The following NUSAP1 variants were observed in gnomAD, a reference collection of about 807,000 sequenced individuals.
The protein encoded by NUSAP1 is nucleolar and spindle associated protein 1, also known as nucleolar and spindle-associated protein 1.
A neutral mutation model predicts 52.8 loss-of-function variants in NUSAP1; 32 were observed. That is an observed-to-expected ratio of 0.61 (90% CI 0.46 to 0.81). The LOEUF (loss-of-function observed/expected upper bound fraction) is 0.81. NUSAP1 is among the 40% of genes least tolerant of loss of function. The probability of loss-of-function intolerance (pLI) is 0.00; values close to 1 mark genes in which losing one functional copy is unlikely to be tolerated. For missense variants in NUSAP1, 499 were observed against 522.3 expected (o/e 0.96, Z 0.43); for synonymous variants, 195 against 183.1 (o/e 1.06, Z -0.52).
At chr15:41,358,107 G>A (rs1019997334) in intron 5 of NUSAP1, 42 bp from the exon 6 acceptor site, 3 of 869,528 alleles carry the variant, frequency 3.5e-6, no homozygotes, top group Non-Finnish European at 5.5e-6. Context: ...ATAAATAAAT[G>A]GATTTTGTTT....
At chr15:41,376,754 A>C (rs2049955275) in intron 9 of NUSAP1, among the ~76,000 whole-genome samples, 1 of 151,592 alleles carries the variant, frequency 6.6e-6, no homozygotes, top group South Asian at 2.1e-4. Flanking sequence ...ATAAACTTCA[A>C]GAAATTTGGT....
At chr15:41,366,274 C>CA (rs942258759) in intron 7 of NUSAP1, among the ~76,000 whole-genome samples, 3 of 148,470 alleles carry the variant, frequency 2.0e-5, no homozygotes, top group African/African-American at 7.6e-5. Context: ...CCCAACCTTT[C>CA]TTTTTTTTTC....
chr15:41,377,153 TCAAA>T (rs1397435670), intron 9 of NUSAP1, 39 bp from the exon 10 acceptor site: 8 of 1,031,604 alleles, frequency 7.8e-6, no homozygotes, highest in Non-Finnish European at 1.1e-5. Flanking sequence ...GGAATATAAA[TCAAA>T]CAATCTTTTT....
Position 41,380,446 on chromosome 15 carries a change from T to C in NUSAP1, c.*260T>C. ...TCTAACGAGACCCATCCTAAAATTC[T>C]GTTTCTAGATTTTTAATGTCAAGTT... On this transcript the variant is annotated 3_prime_UTR_variant, in exon 11 of 11. Coordinates refer to ENST00000559596, the MANE Select transcript of NUSAP1 (RefSeq NM_016359.5). The C allele has an allele frequency of 7.9e-6, 2 of 254,126 alleles. No homozygotes were observed. The allele number at this position is 254,126 out of a possible 1,614,324, so 15.7% of individuals were successfully genotyped here. A position where few individuals can be genotyped will look rare whatever the true frequency, so the allele number is the denominator to read the frequency against.
chr15:41,344,146 G>C (rs1251346258), intron 2 of NUSAP1: 2 of 150,132 alleles, frequency 1.3e-5, no homozygotes, highest in Non-Finnish European at 3.0e-5. Flanking sequence ...GAATCCGTGA[G>C]GCAGATGTAG....
rs145434802 is a variant in NUSAP1 at position 41,376,740 on chromosome 15, A to G, written c.1124-456A>G. ...TAAATTTAAATTAAAAAAAAAAGCAACACATAAACTTCAAGAAATTTGGTC... is the reference window on the plus strand; with the variant it reads ...TAAATTTAAATTAAAAAAAAAAGCAGCACATAAACTTCAAGAAATTTGGTC... On this transcript the variant is annotated intron_variant, in intron 9 of 10. Coordinates refer to ENST00000559596, the MANE Select transcript of NUSAP1 (RefSeq NM_016359.5). Among the ~76,000 whole-genome samples the G allele has an allele frequency of 4.6e-5, 7 of 151,452 alleles. No individual in the cohort carries two copies. In the East Asian group the frequency reaches 5.8e-4, roughly 13 times the overall value.
chr15:41,374,352 G>C (rs184117966), intron 8 of NUSAP1, among the ~76,000 whole-genome samples: 1 of 152,226 alleles, frequency 6.6e-6, no homozygotes, highest in African/African-American at 2.4e-5. Flanking sequence ...ACTTCTTGTT[G>C]TATGCTCATG....
intron 4 of NUSAP1, among the ~76,000 whole-genome samples, chr15:41,355,563 T>A (rs1036058167): frequency 6.6e-6 from 1 of 152,182 alleles, no homozygotes; most frequent in Non-Finnish European, 1.5e-5. Context: ...ATCGTAGGAA[T>A]GCTGTAACTA....
intron 2 of NUSAP1, 112 bp from the exon 3 acceptor site, chr15:41,348,986 A>C: frequency 1.8e-6 from 2 of 1,098,986 alleles, no homozygotes; most frequent in Non-Finnish European, 2.6e-6. Flanking sequence ...GAGAGTTTTA[A>C]ATTTTTTCTT....
intron 10 of NUSAP1, among the ~76,000 whole-genome samples, chr15:41,378,938 A>G (rs1267956590): frequency 1.2e-5 from 1 of 83,636 alleles, no homozygotes; most frequent in African/African-American, 5.3e-5. Context: ...ATATTAACTT[A>G]TCTTGGTTTT....
chr15:41,373,854 C>A (rs1161078919), intron 8 of NUSAP1, among the ~76,000 whole-genome samples: 1 of 151,998 alleles, frequency 6.6e-6, no homozygotes, highest in Non-Finnish European at 1.5e-5. Flanking sequence ...AGGTGTGAGC[C>A]ATATCTGTTA....
At chr15:41,370,478 C>A (rs185924014) in intron 7 of NUSAP1, among the ~76,000 whole-genome samples, 77 of 152,008 alleles carry the variant, frequency 5.1e-4, no homozygotes, top group African/African-American at 1.9e-3. Context: ...TAGCTGGGCG[C>A]GGTGGCTCAT....
chr15:41,342,099 C>T (rs1435970820), intron 1 of NUSAP1, among the ~76,000 whole-genome samples: 1 of 152,190 alleles, frequency 6.6e-6, no homozygotes, highest in East Asian at 1.9e-4. Flanking sequence ...GAAGTCTAAC[C>T]TAGCAGTCCC....
intron 4 of NUSAP1, 63 bp downstream of exon 4, chr15:41,351,192 G>A (rs2048765675): frequency 1.3e-6 from 2 of 1,530,892 alleles, no homozygotes; most frequent in Non-Finnish European, 1.8e-6. Flanking sequence ...GAAGTAGCCA[G>A]GTACATTAAT....
At chr15:41,337,960 T>C (rs1253879144) in intron 1 of NUSAP1, among the ~76,000 whole-genome samples, 1 of 141,708 alleles carries the variant, frequency 7.1e-6, no homozygotes, top group Non-Finnish European at 1.5e-5. Context: ...TGAGTCACAG[T>C]CTTGCTCTGT....
intron 1 of NUSAP1, among the ~76,000 whole-genome samples, chr15:41,341,478 T>TC (rs1313932045): frequency 6.6e-6 from 1 of 151,922 alleles, no homozygotes; most frequent in African/African-American, 2.4e-5. Flanking sequence ...AGTGTTCCCT[T>TC]CCCCCGGCAG....
At chr15:41,333,905 C>T (rs1448641281) in intron 1 of NUSAP1, among the ~76,000 whole-genome samples, 1 of 152,140 alleles carries the variant, frequency 6.6e-6, no homozygotes, top group East Asian at 1.9e-4. Flanking sequence ...GAGAGAGACT[C>T]AGTCTCAAAC....
chr15:41,378,907 A>G (rs965411609), intron 10 of NUSAP1, among the ~76,000 whole-genome samples: 7 of 149,290 alleles, frequency 4.7e-5, no homozygotes, highest in Non-Finnish European at 1.0e-4. Flanking sequence ...ACCAAAAAAA[A>G]AAAAGAAAAA....
At chr15:41,377,805 T>C (rs868328469) in intron 10 of NUSAP1, among the ~76,000 whole-genome samples, 1 of 149,518 alleles carries the variant, frequency 6.7e-6, no homozygotes, top group East Asian at 2.0e-4. Flanking sequence ...ATCGAGACCA[T>C]CCTGGCTAAC....
Sources: gnomAD v4.1 joint callset for allele counts (sites outside exome capture counted in the v4.1 genomes callset) on GRCh38, gnomAD v4.1.1 for gene constraint, MANE v1.5 for transcripts, NCBI Gene and HGNC (gene_info 2026-07-23, HGNC 2026-07-21) for gene names.